The following MMP16 variants were observed in gnomAD, a reference collection of about 807,000 sequenced individuals.
MMP16 encodes matrix metalloproteinase-16.
MMP16 carries 12 observed loss-of-function variants against 67.8 expected under a neutral mutation model. The ratio of observed to expected loss-of-function variants is 0.18; its 90% CI spans 0.11 to 0.29. The LOEUF is 0.29. MMP16 is among the 10% of genes least tolerant of loss of function. The pLI, the probability that MMP16 is intolerant of heterozygous loss-of-function variation, is 1.00. For synonymous variants in MMP16, 249 were observed against 255.9 expected (o/e 0.97, Z 0.26); for missense variants, 475 against 765.7 (o/e 0.62, Z 4.48).
intron 5 of MMP16, among the ~76,000 whole-genome samples, 161 bp downstream of exon 5, chr8:88,118,539 A>G (rs1228834574): frequency 2.0e-5 from 3 of 152,090 alleles, no homozygotes; most frequent in African/African-American, 7.2e-5. Context: ...ACCTTTGCCA[A>G]CAAAATTCAG....
intron 4 of MMP16, among the ~76,000 whole-genome samples, chr8:88,123,649 T>C (rs1249777300): frequency 6.6e-6 from 1 of 151,858 alleles, no homozygotes; most frequent in Non-Finnish European, 1.5e-5. Context: ...CTAAACATCA[T>C]TACTCCTGCT....
intron 4 of MMP16, among the ~76,000 whole-genome samples, chr8:88,145,877 G>GT: frequency 6.6e-6 from 1 of 152,068 alleles, no homozygotes; most frequent in East Asian, 1.9e-4. Context: ...AATGCTACCA[G>GT]TATCTATGGA....
intron 4 of MMP16, among the ~76,000 whole-genome samples, chr8:88,137,291 T>C (rs1037692489): frequency 6.6e-6 from 1 of 151,902 alleles, no homozygotes; most frequent in African/African-American, 2.4e-5. Flanking sequence ...ACTTGCCCTA[T>C]TTTAGAGGCA....
chr8:88,160,406 A>G (rs1394678999), intron 4 of MMP16, among the ~76,000 whole-genome samples: 1 of 151,980 alleles, frequency 6.6e-6, no homozygotes, highest in Non-Finnish European at 1.5e-5. Context: ...AGTCTTTGCT[A>G]TTGTGAATAG....
intron 1 of MMP16, among the ~76,000 whole-genome samples, chr8:88,301,585 G>A (rs1206963536): frequency 1.3e-5 from 2 of 152,120 alleles, no homozygotes; most frequent in African/African-American, 2.4e-5. Context: ...ATATATGCAG[G>A]AATATGACAT....
chr8:88,059,974 T>A (rs1325117515), intron 7 of MMP16, among the ~76,000 whole-genome samples: 2 of 146,176 alleles, frequency 1.4e-5, no homozygotes, highest in African/African-American at 2.6e-5. Flanking sequence ...GAAAAGAGAA[T>A]GAGAAGAGAT....
intron 1 of MMP16, among the ~76,000 whole-genome samples, chr8:88,294,326 GTA>G (rs1810972582): frequency 6.7e-6 from 1 of 149,956 alleles, no homozygotes; most frequent in African/African-American, 2.4e-5. Flanking sequence ...GTCTATATGT[GTA>G]TGTCTATATA....
At chr8:88,126,801 T>C (rs769100048) in intron 4 of MMP16, among the ~76,000 whole-genome samples, 16 of 151,884 alleles carry the variant, frequency 1.1e-4, no homozygotes, top group African/African-American at 1.7e-4. Context: ...AGTTTCTTCA[T>C]TGGTAAAGTG....
chr8:88,276,947 A>G (rs1810658306), intron 1 of MMP16, among the ~76,000 whole-genome samples: 1 of 152,156 alleles, frequency 6.6e-6, no homozygotes, highest in African/African-American at 2.4e-5. Context: ...CTAAACTACA[A>G]TTAAATTATC....
intron 3 of MMP16, among the ~76,000 whole-genome samples, chr8:88,168,190 A>G (rs1481165327): frequency 6.6e-6 from 1 of 152,188 alleles, no homozygotes; most frequent in African/African-American, 2.4e-5. Flanking sequence ...TTTAAATGAG[A>G]AGATCTCTGT....
chr8:88,075,843 A>G (rs1361876725), intron 6 of MMP16, among the ~76,000 whole-genome samples: 1 of 151,858 alleles, frequency 6.6e-6, no homozygotes, highest in African/African-American at 2.4e-5. Flanking sequence ...TACATATTAT[A>G]TAAGTGATTT....
In MMP16 at chr8:88,196,547, C is replaced by T. The variant is rs560776207; in HGVS notation, c.281+611G>A. ...ATAAGTGAATGATTGATGAACCAAT[C>T]ATTAAAAAGCAAAATTATTAAAAAA... On this transcript the variant is annotated intron_variant, in intron 2 of 9. Coordinates refer to ENST00000286614, the MANE Select transcript of MMP16 (RefSeq NM_005941.5). Among the ~76,000 whole-genome samples the T allele has an allele frequency of 5.3e-5, 8 of 152,178 alleles. No individual in the cohort carries two copies. The South Asian group carries it at 1.2e-3, about 24-fold the overall frequency.
chr8:88,301,018 T>C (rs2130042417), intron 1 of MMP16, among the ~76,000 whole-genome samples: 1 of 152,310 alleles, frequency 6.6e-6, no homozygotes, highest in Admixed American at 6.5e-5. Context: ...AAGATTAATG[T>C]AAGAGCAGGG....
chr8:88,072,641 A>G (rs1341591309), intron 7 of MMP16, among the ~76,000 whole-genome samples: 1 of 152,108 alleles, frequency 6.6e-6, no homozygotes, highest in East Asian at 1.9e-4. Context: ...CATAAGAAAC[A>G]CCATACTGAG....
intron 6 of MMP16, among the ~76,000 whole-genome samples, chr8:88,111,321 G>A (rs1296904916): frequency 6.6e-6 from 1 of 151,658 alleles, no homozygotes; most frequent in African/African-American, 2.4e-5. Flanking sequence ...CTAGACCAAT[G>A]CAGACCTGTG....
At chr8:88,176,831 G>A (rs1808899956) in intron 3 of MMP16, among the ~76,000 whole-genome samples, 1 of 152,116 alleles carries the variant, frequency 6.6e-6, no homozygotes, top group African/African-American at 2.4e-5. Context: ...TTGTTTTAAA[G>A]TAAGTCTTCA....
chr8:88,313,900 C>A (rs1401896564), intron 1 of MMP16, among the ~76,000 whole-genome samples: 1 of 152,070 alleles, frequency 6.6e-6, no homozygotes, highest in East Asian at 1.9e-4. Flanking sequence ...ACCATCAGAT[C>A]TCATGAGACT....
At chr8:88,197,970 C>G (rs1180284590) in intron 1 of MMP16, among the ~76,000 whole-genome samples, 1 of 152,130 alleles carries the variant, frequency 6.6e-6, no homozygotes, top group Non-Finnish European at 1.5e-5. Flanking sequence ...TAGAAGAAAT[C>G]CAGCTATCAT....
chr8:88,140,664 T>C (rs1229161893), intron 4 of MMP16, among the ~76,000 whole-genome samples: 1 of 152,168 alleles, frequency 6.6e-6, no homozygotes, highest in Non-Finnish European at 1.5e-5. Context: ...AATATATAAC[T>C]AAGTTCTTTT....
Sources: gnomAD v4.1 joint callset for allele counts (sites outside exome capture counted in the v4.1 genomes callset) on GRCh38, gnomAD v4.1.1 for gene constraint, MANE v1.5 for transcripts, NCBI Gene and HGNC (gene_info 2026-07-23, HGNC 2026-07-21) for gene names.